Variants in PXDNL observed in about 807,000 individuals in gnomAD.
PXDNL encodes probable oxidoreductase PXDNL.
A neutral mutation model predicts 150.8 loss-of-function variants in PXDNL; 145 were observed. That is an observed-to-expected ratio of 0.96 (90% CI 0.84 to 1.10). The LOEUF is 1.10. Among genes scored for constraint, PXDNL ranks in the 50% least tolerant of loss-of-function variants. PXDNL has a pLI of 0.00. For synonymous variants in PXDNL, 757 were observed against 725.7 expected (o/e 1.04, Z -0.69); for missense variants, 2,087 against 1,873.9 (o/e 1.11, Z -2.10).
At chr8:51,635,903 A>G (rs991514835) in intron 2 of PXDNL, among the ~76,000 whole-genome samples, 2 of 152,166 alleles carry the variant, frequency 1.3e-5, no homozygotes, top group Non-Finnish European at 2.9e-5. Flanking sequence ...ACCACAAGAG[A>G]AGAAAATACA....
intron 1 of PXDNL, among the ~76,000 whole-genome samples, chr8:51,664,660 T>C (rs1374453277): frequency 2.0e-5 from 3 of 152,174 alleles, no homozygotes. Flanking sequence ...ACTGCTCAGC[T>C]GCTGCTTGAC....
chr8:51,492,993 G>A (rs926539672), intron 5 of PXDNL, among the ~76,000 whole-genome samples: 1 of 152,180 alleles, frequency 6.6e-6, no homozygotes, highest in Non-Finnish European at 1.5e-5. Flanking sequence ...CCTCAAGTGG[G>A]TCTCTGAACC....
intron 1 of PXDNL, among the ~76,000 whole-genome samples, chr8:51,765,917 C>T (rs1292707664): frequency 6.6e-6 from 1 of 151,622 alleles, no homozygotes; most frequent in African/African-American, 2.4e-5. Flanking sequence ...GATTTCAGCT[C>T]ACTGCAAGCT....
At chr8:51,686,416 A>G (rs1030052576) in intron 1 of PXDNL, among the ~76,000 whole-genome samples, 2 of 152,322 alleles carry the variant, frequency 1.3e-5, no homozygotes, top group Middle Eastern at 3.4e-3. Context: ...GCCTCATACA[A>G]TGAAATAGAA....
chr8:51,794,173 C>T (rs552824349), intron 1 of PXDNL, among the ~76,000 whole-genome samples: 59 of 152,022 alleles, frequency 3.9e-4, no homozygotes, highest in Non-Finnish European at 6.5e-4. Context: ...TGTGAAAAGA[C>T]GGAACCTATG....
intron 5 of PXDNL, among the ~76,000 whole-genome samples, chr8:51,489,341 G>A (rs1293139647): frequency 6.6e-6 from 1 of 152,146 alleles, no homozygotes; most frequent in East Asian, 1.9e-4. Context: ...TTTAGAGACA[G>A]GTTCTCACCC....
intron 10 of PXDNL, 77 bp downstream of exon 10, chr8:51,453,442 G>T: frequency 1.4e-6 from 2 of 1,393,410 alleles, no homozygotes; most frequent in Non-Finnish European, 2.0e-6. Context: ...TGATGTACAT[G>T]ACATTATTTA....
At chr8:51,495,963 C>T (rs1437869603) in intron 5 of PXDNL, among the ~76,000 whole-genome samples, 4 of 152,126 alleles carry the variant, frequency 2.6e-5, no homozygotes, top group Non-Finnish European at 5.9e-5. Flanking sequence ...CAAAGCCTGG[C>T]AGAGACACAA....
At chr8:51,472,723 T>C (rs1810376038) in intron 7 of PXDNL, among the ~76,000 whole-genome samples, 1 of 152,206 alleles carries the variant, frequency 6.6e-6, no homozygotes, top group Non-Finnish European at 1.5e-5. Context: ...TTACAACAAG[T>C]GATATGTCTA....
At chr8:51,476,668 CT>C (rs1022685412) in intron 6 of PXDNL, among the ~76,000 whole-genome samples, 78 of 152,238 alleles carry the variant, frequency 5.1e-4, no homozygotes, top group African/African-American at 1.8e-3. Context: ...ATGATTAATA[CT>C]TTTTTTCATT....
Position 51,409,195 on chromosome 8 carries a change from A to T in PXDNL, c.2429T>A (p.Leu810Gln). Reference protein sequence around the residue: ...TRMLMHWGWFLEHDLDHTVPA... With the variant: ...TRMLMHWGWFQEHDLDHTVPA... ...CACTGTGTGGTCCAAGTCGTGCTCT[A>T]GAAACCAGCCCCAGTGCATGAGCAT... The change falls in exon 17 of 23, where the codon CTA becomes CAA. Residue 810 changes from leucine to glutamine, a missense_variant. Leu to Gln is a moderately radical substitution (Grantham distance 113, BLOSUM62 -2). Transcript: ENST00000356297. 4 of 1,590,590 alleles carry T rather than the reference A, an allele frequency of 2.5e-6. No homozygotes were observed. Among genetic ancestry groups the T allele is most frequent in the Non-Finnish European group, 3.4e-6 (4 of 1,173,296 alleles).
chr8:51,654,809 C>T (rs768899532), intron 1 of PXDNL, 49 bp from the exon 2 acceptor site: 2 of 1,408,376 alleles, frequency 1.4e-6, no homozygotes, highest in South Asian at 1.2e-5. Flanking sequence ...TGACTGCATT[C>T]TGCCATTATT....
intron 1 of PXDNL, among the ~76,000 whole-genome samples, chr8:51,696,835 A>AGGT: frequency 7.4e-3 from 1 of 136 alleles, no homozygotes; most frequent in African/African-American, 0.026. Flanking sequence ...ACACACACAC[A>AGGT]CACAGGTCCT....
chr8:51,381,337 T>C (rs1807530604), intron 17 of PXDNL, among the ~76,000 whole-genome samples: 1 of 152,156 alleles, frequency 6.6e-6, no homozygotes, highest in Admixed American at 6.5e-5. Flanking sequence ...TCTTTATTGT[T>C]CTGTGTCTTA....
chr8:51,360,236 C>A (rs76057719), intron 19 of PXDNL, among the ~76,000 whole-genome samples: 27 of 152,118 alleles, frequency 1.8e-4, no homozygotes, highest in Non-Finnish European at 3.7e-4. Context: ...TACAAATATG[C>A]ATGTACATAC....
At chr8:51,529,304 C>A (rs56804147) in intron 4 of PXDNL, among the ~76,000 whole-genome samples, 3,674 of 152,266 alleles carry the variant, frequency 0.024, 134 homozygotes, top group African/African-American at 0.084. Flanking sequence ...TCCAACTGGG[C>A]TTCTGCCTCC....
intron 1 of PXDNL, among the ~76,000 whole-genome samples, chr8:51,763,309 A>G (rs952209484): frequency 4.7e-5 from 7 of 147,568 alleles, no homozygotes; most frequent in Non-Finnish European, 7.4e-5. Context: ...GTACCCTAGA[A>G]CTTAAAGTAT....
intron 19 of PXDNL, among the ~76,000 whole-genome samples, chr8:51,358,410 T>C (rs2976992): frequency 0.73 from 111,267 of 151,884 alleles, 41,297 homozygotes; most frequent in East Asian, 0.94. Context: ...CACCCCTTGG[T>C]TTCAGATCAA....
intron 1 of PXDNL, among the ~76,000 whole-genome samples, chr8:51,793,323 C>T (rs2037530772): frequency 6.6e-6 from 1 of 152,130 alleles, no homozygotes; most frequent in African/African-American, 2.4e-5. Context: ...ACAAAAACTC[C>T]ACAAAGGTCA....
Sources: gnomAD v4.1 joint callset for allele counts (sites outside exome capture counted in the v4.1 genomes callset) on GRCh38, gnomAD v4.1.1 for gene constraint, MANE v1.5 for transcripts, NCBI Gene and HGNC (gene_info 2026-07-23, HGNC 2026-07-21) for gene names.